L3MBTL4: variants seen among roughly 807,000 people sequenced by gnomAD.
L3MBTL4 encodes the protein L3MBTL histone methyl-lysine binding protein 4.
A neutral mutation model predicts 84.5 loss-of-function variants in L3MBTL4; 70 were observed. That is an observed-to-expected ratio of 0.83 (90% CI 0.68 to 1.01). The LOEUF (loss-of-function observed/expected upper bound fraction) is 1.01, where lower values mean the gene tolerates loss of function less well. Among genes scored for constraint, L3MBTL4 ranks in the 50% least tolerant of loss-of-function variants. The pLI, the probability that L3MBTL4 is intolerant of heterozygous loss-of-function variation, is 0.00. For missense variants in L3MBTL4, 715 were observed against 754.8 expected, an observed-to-expected ratio of 0.95 and a Z score of 0.62; for synonymous variants, 274 against 259.8, an observed-to-expected ratio of 1.05 and a Z score of -0.52.
chr18:6,238,357 C>T (rs575983820), intron 9 of L3MBTL4, among the ~76,000 whole-genome samples: 2 of 152,254 alleles, frequency 1.3e-5, no homozygotes, highest in East Asian at 3.9e-4. Context: ...CATGGTGAAA[C>T]CCCGTCTCCA....
At chr18:6,251,179 C>T (rs1389501831) in intron 5 of L3MBTL4, among the ~76,000 whole-genome samples, 1 of 152,212 alleles carries the variant, frequency 6.6e-6, no homozygotes, top group African/African-American at 2.4e-5. Context: ...GCAGGCTTCG[C>T]TAAAATAGGG....
chr18:6,159,597 T>A (rs1309751836), intron 13 of L3MBTL4, among the ~76,000 whole-genome samples: 1 of 152,204 alleles, frequency 6.6e-6, no homozygotes, highest in Non-Finnish European at 1.5e-5. Context: ...GTTCCCATCA[T>A]AAACAAGAGC....
intron 12 of L3MBTL4, among the ~76,000 whole-genome samples, chr18:6,194,374 A>G (rs11873037): frequency 0.035 from 5,256 of 152,258 alleles, 321 homozygotes; most frequent in African/African-American, 0.12. Flanking sequence ...GTGAAGCTAC[A>G]TTTGGAATGA....
chr18:6,107,990 G>A (rs182606770), intron 14 of L3MBTL4, among the ~76,000 whole-genome samples: 48 of 152,242 alleles, frequency 3.2e-4, no homozygotes, highest in Admixed American at 2.4e-3. Flanking sequence ...CAAAAATCGC[G>A]TGCCATGCCA....
At chr18:6,387,093 G>A (rs934611216) in intron 1 of L3MBTL4, among the ~76,000 whole-genome samples, 1 of 152,148 alleles carries the variant, frequency 6.6e-6, no homozygotes, top group African/African-American at 2.4e-5. Context: ...CAGAGAAAAA[G>A]AAATGACTCC....
At chr18:6,098,685 G>A (rs550105561) in intron 14 of L3MBTL4, among the ~76,000 whole-genome samples, 11 of 152,050 alleles carry the variant, frequency 7.2e-5, no homozygotes, top group African/African-American at 2.4e-4. Flanking sequence ...GACTGTAAAG[G>A]GTTCTCTAAA....
chr18:6,265,942 C>T (rs764559272), intron 4 of L3MBTL4, among the ~76,000 whole-genome samples: 4 of 152,086 alleles, frequency 2.6e-5, no homozygotes, highest in African/African-American at 4.8e-5. Flanking sequence ...TACCTCAAAA[C>T]TGCTAAAAAG....
At chr18:6,047,458 T>C (rs2056671907) in intron 16 of L3MBTL4, among the ~76,000 whole-genome samples, 2 of 152,032 alleles carry the variant, frequency 1.3e-5, no homozygotes, top group African/African-American at 4.8e-5. Context: ...AAAAAAAAGA[T>C]TTCAGGCCAA....
intron 4 of L3MBTL4, among the ~76,000 whole-genome samples, chr18:6,279,577 T>A (rs1568427992): frequency 6.6e-6 from 1 of 152,190 alleles, no homozygotes; most frequent in Non-Finnish European, 1.5e-5. Context: ...AAGTCTGCAG[T>A]AAAGAGCACA....
At chr18:6,115,222 A>G (rs1227812940) in intron 14 of L3MBTL4, among the ~76,000 whole-genome samples, 1 of 152,212 alleles carries the variant, frequency 6.6e-6, no homozygotes, top group Non-Finnish European at 1.5e-5. Context: ...GAGTGGTGGG[A>G]CAGTGAGATT....
intron 4 of L3MBTL4, among the ~76,000 whole-genome samples, chr18:6,292,054 G>A (rs571433878): frequency 8.7e-4 from 132 of 152,306 alleles, no homozygotes; most frequent in Admixed American, 1.8e-3. Flanking sequence ...TATTTAAAGC[G>A]ATGGATATCT....
At chr18:6,262,103 C>G (rs947179470) in intron 5 of L3MBTL4, among the ~76,000 whole-genome samples, 1 of 152,172 alleles carries the variant, frequency 6.6e-6, no homozygotes, top group African/African-American at 2.4e-5. Flanking sequence ...AACCTCAAAT[C>G]CTGGACCTTG....
intron 1 of L3MBTL4, among the ~76,000 whole-genome samples, chr18:6,344,743 A>T (rs764937178): frequency 3.3e-5 from 5 of 152,290 alleles, no homozygotes; most frequent in African/African-American, 1.2e-4. Context: ...AAAATCAATA[A>T]ATGTCATATG....
intron 16 of L3MBTL4, chr18:6,030,787 T>G: frequency 3.0e-6 from 3 of 984,880 alleles, no homozygotes; most frequent in Non-Finnish European, 3.6e-6. Flanking sequence ...GAAGTTTCAT[T>G]GCATTAAAAA....
At chr18:6,210,485 G>A (rs1013841655) in intron 12 of L3MBTL4, among the ~76,000 whole-genome samples, 1 of 152,202 alleles carries the variant, frequency 6.6e-6, no homozygotes, top group African/African-American at 2.4e-5. Flanking sequence ...TTAAAACCCT[G>A]TTCCCATATA....
At chr18:6,280,896 T>TTGAGCC (rs2063655135) in intron 4 of L3MBTL4, among the ~76,000 whole-genome samples, 1 of 152,132 alleles carries the variant, frequency 6.6e-6, no homozygotes, top group African/African-American at 2.4e-5. Context: ...GATCCTCCCC[T>TTGAGCC]TGAGCCTTCA....
chr18:6,193,181 A>G (rs1463374950), intron 12 of L3MBTL4, among the ~76,000 whole-genome samples: 1 of 152,080 alleles, frequency 6.6e-6, no homozygotes, highest in East Asian at 1.9e-4. Context: ...GAGAAGGGCA[A>G]GGGACTGAGA....
intron 14 of L3MBTL4, among the ~76,000 whole-genome samples, chr18:6,104,284 T>C (rs7241937): frequency 0.21 from 31,644 of 152,036 alleles, 4,581 homozygotes; most frequent in African/African-American, 0.42. Flanking sequence ...CCTGCATTCA[T>C]TGCAGAATTA....
chr18:6,054,873 C>A (rs192479773), intron 16 of L3MBTL4, among the ~76,000 whole-genome samples: 1 of 152,374 alleles, frequency 6.6e-6, no homozygotes. Context: ...TGGCACCACA[C>A]AACTGGGCTT....
Sources: gnomAD v4.1 joint callset for allele counts (sites outside exome capture counted in the v4.1 genomes callset) on GRCh38, gnomAD v4.1.1 for gene constraint, MANE v1.5 for transcripts, NCBI Gene and HGNC (gene_info 2026-07-23, HGNC 2026-07-21) for gene names.